The following FAT4 variants were observed in gnomAD, a reference collection of about 807,000 sequenced individuals.
FAT4 encodes protocadherin Fat 4.
FAT4 carries 84 observed loss-of-function variants against 303.9 expected under a neutral mutation model. The ratio of observed to expected loss-of-function variants is 0.28; its 90% CI spans 0.23 to 0.33. The LOEUF (loss-of-function observed/expected upper bound fraction) is 0.33. Among genes scored for constraint, FAT4 ranks in the 10% least tolerant of loss-of-function variants. The pLI is 1.00. For missense variants in FAT4, 6,005 were observed against 6,146.8 expected, an observed-to-expected ratio of 0.98 and a Z score of 0.77; for synonymous variants, 2,307 against 2,298.8, an observed-to-expected ratio of 1.00 and a Z score of -0.10.
chr4:125,382,314 A>G (rs1228657113), intron 2 of FAT4, among the ~76,000 whole-genome samples: 2 of 152,180 alleles, frequency 1.3e-5, no homozygotes, highest in African/African-American at 2.4e-5. Flanking sequence ...TAAGACTTGA[A>G]AGTTTAGATT....
intron 2 of FAT4, among the ~76,000 whole-genome samples, chr4:125,344,613 T>A (rs951197497): frequency 6.6e-6 from 1 of 152,200 alleles, no homozygotes; most frequent in African/African-American, 2.4e-5. Flanking sequence ...GTATCTGTGA[T>A]GCCAATGGGC....
chr4:125,432,234 A>G (rs1725307380), intron 7 of FAT4, among the ~76,000 whole-genome samples: 1 of 152,158 alleles, frequency 6.6e-6, no homozygotes, highest in African/African-American at 2.4e-5. Flanking sequence ...GCTTCTTGTC[A>G]GTGGTAAAGA....
chr4:125,422,650 A>T (rs1321885204), intron 7 of FAT4, among the ~76,000 whole-genome samples: 1 of 152,132 alleles, frequency 6.6e-6, no homozygotes, highest in Non-Finnish European at 1.5e-5. Context: ...TTCCTTTATA[A>T]ATTACCCAGT....
At position 125,337,952 on chromosome 4, in the gene FAT4, A is replaced by G. The variant is rs561813401; in HGVS notation, c.5175+16366A>G. The stretch of plus-strand genomic sequence containing the variant: ...CTATTTCACAGAGCAGCTTTGAGAA[A>G]CAAAACTTAAAAATGCACCCATGAT... On this transcript the variant is annotated intron_variant, in intron 2 of 17. Coordinates refer to ENST00000394329, the MANE Select transcript of FAT4 (RefSeq NM_001291303.3). 4.9e-4 allele frequency among the ~76,000 whole-genome samples: 75 copies of G among 152,228 alleles called. No individual in the cohort carries two copies. The Middle Eastern group carries it at 0.01, about 21-fold the overall frequency.
chr4:125,321,532 G>A lies in FAT4; in HGVS notation c.5121G>A (p.Val1707=). ...AGCAAGGAGCATGTCTTTACCTGGT[G>A]GATGTTTATGCCATAGAAAAATCAA... ...DREQGACLYL[V]DVYAIEKSTA... Residue 1707 remains valine (V), a synonymous_variant, in exon 2 of 18, where the codon GTG becomes GTA. Transcript: ENST00000394329. The A allele has an allele frequency of 6.2e-7, 1 of 1,613,802 alleles. No homozygotes were observed. Among genetic ancestry groups the A allele is most frequent in the East Asian group, 2.2e-5 (1 of 44,886 alleles).
chr4:125,385,025 T>TATATA (rs1491325760), intron 2 of FAT4, among the ~76,000 whole-genome samples: 1 of 52,656 alleles, frequency 1.9e-5, no homozygotes, highest in Admixed American at 2.2e-4. Flanking sequence ...TATATATATA[T>TATATA]TTTTTTTTTT....
chr4:125,370,581 G>A (rs760978529), intron 2 of FAT4, among the ~76,000 whole-genome samples: 1 of 152,046 alleles, frequency 6.6e-6, no homozygotes, highest in African/African-American at 2.4e-5. Flanking sequence ...AATATGAACA[G>A]TCACTAAAAA....
chr4:125,427,866 G>T (rs1418175723), intron 7 of FAT4, among the ~76,000 whole-genome samples: 1 of 152,048 alleles, frequency 6.6e-6, no homozygotes, highest in Non-Finnish European at 1.5e-5. Flanking sequence ...AAGTATTTTT[G>T]ATTTATAGTT....
intron 2 of FAT4, among the ~76,000 whole-genome samples, chr4:125,372,363 C>CAAA (rs200201646): frequency 2.3e-5 from 2 of 86,300 alleles, no homozygotes; most frequent in African/African-American, 3.8e-5. Context: ...GACCCTGTTT[C>CAAA]AAAAAAAAAA....
intron 8 of FAT4, among the ~76,000 whole-genome samples, chr4:125,440,608 T>TGAGAGAGAGAGAGAGAGAGA (rs766978076): frequency 8.7e-5 from 5 of 57,348 alleles, no homozygotes; most frequent in African/African-American, 1.9e-4. Flanking sequence ...TGTGTGTGTG[T>TGAGAGAGAGAGAGAGAGAGA]GTGAGAGAGA....
chr4:125,397,744 C>A (rs1734238601), intron 2 of FAT4, among the ~76,000 whole-genome samples: 1 of 152,166 alleles, frequency 6.6e-6, no homozygotes. Flanking sequence ...CTCTCCCCTT[C>A]CCACAGCTTC....
intron 2 of FAT4, among the ~76,000 whole-genome samples, chr4:125,354,498 G>A (rs955285751): frequency 1.3e-5 from 2 of 151,670 alleles, no homozygotes; most frequent in African/African-American, 4.8e-5. Context: ...CTCTCACTCT[G>A]ATGTACAGTT....
Position 125,318,650 on chromosome 4 carries a change from A to C in FAT4, c.2239A>C (p.Thr747Pro). The C allele has an allele frequency of 6.2e-7, 1 of 1,614,132 alleles. No homozygotes were observed. The highest frequency in any genetic ancestry group is 8.5e-7 in the Non-Finnish European group (1 of 1,180,032). The change falls in exon 2 of 18, where the codon ACA becomes CCA. Residue 747 changes from threonine (T) to proline (P), a missense_variant. Coordinates refer to ENST00000394329, the MANE Select transcript of FAT4 (RefSeq NM_001291303.3). Reference sequence around the variant, plus strand: ...CAATGCTCAGAGTGGGGTTATTTCTACAAGAATGGCCCTAGACAGAGAAGA... The same window carrying C: ...CAATGCTCAGAGTGGGGTTATTTCTCCAAGAATGGCCCTAGACAGAGAAGA... ...QVNAQSGVIS[T>P]RMALDREEKT...
At position 125,318,474 on chromosome 4, in the gene FAT4, T is replaced by G. The variant is rs762030743; in HGVS notation, c.2063T>G (p.Val688Gly). Residue 688 changes from valine (V) to glycine (G), a missense_variant, in exon 2 of 18, where the codon GTC (valine) becomes GGC (glycine). Val to Gly is a moderately radical substitution (Grantham distance 109, BLOSUM62 -3). Coordinates refer to ENST00000394329, the MANE Select transcript of FAT4 (RefSeq NM_001291303.3). ...CTGGATATAAATGATAACAGCCCTG[T>G]CTTCTACCCGGTCCAATACTTTGCT... ...SLLDINDNSP[V>G]FYPVQYFAHI... 2 of 1,614,154 alleles carry G rather than the reference T, an allele frequency of 1.2e-6. No individual in the cohort carries two copies. The highest frequency in any genetic ancestry group is 8.5e-7 in the Non-Finnish European group (1 of 1,180,042).
intron 12 of FAT4, among the ~76,000 whole-genome samples, chr4:125,470,855 T>C (rs1360129457): frequency 6.6e-6 from 1 of 152,228 alleles, no homozygotes; most frequent in African/African-American, 2.4e-5. Flanking sequence ...AACTTTTACT[T>C]TGCATTTACA....
chr4:125,422,046 A>G (rs944882660), intron 7 of FAT4, among the ~76,000 whole-genome samples: 3 of 152,100 alleles, frequency 2.0e-5, no homozygotes, highest in East Asian at 3.9e-4. Flanking sequence ...TTCAACTGCT[A>G]TTTTTCTTTC....
At chr4:125,322,590 A>G (rs937656426) in intron 2 of FAT4, among the ~76,000 whole-genome samples, 2 of 152,172 alleles carry the variant, frequency 1.3e-5, no homozygotes, top group Admixed American at 1.3e-4. Flanking sequence ...ACAAACATCA[A>G]ATGTGGTTTG....
chr4:125,338,504 A>G (rs1731655778), intron 2 of FAT4, among the ~76,000 whole-genome samples: 1 of 152,210 alleles, frequency 6.6e-6, no homozygotes, highest in Non-Finnish European at 1.5e-5. Context: ...TCAGATACAC[A>G]TATTTCAAAT....
chr4:125,417,685 G>C (rs1735128142), intron 7 of FAT4, among the ~76,000 whole-genome samples: 1 of 152,096 alleles, frequency 6.6e-6, no homozygotes, highest in South Asian at 2.1e-4. Context: ...AGACCATGAT[G>C]GGAGGCACAA....
Sources: allele counts gnomAD v4.1 joint callset (sites outside exome capture counted in the v4.1 genomes callset), GRCh38; gene constraint gnomAD v4.1.1; transcripts MANE v1.5; gene names NCBI Gene and HGNC (gene_info 2026-07-23, HGNC 2026-07-21).